RB1: variants seen among roughly 807,000 people sequenced by gnomAD.
RB1 encodes the protein RB transcriptional corepressor 1.
RB1 carries 18 observed loss-of-function variants against 135.4 expected under a neutral mutation model. The observed-to-expected ratio is 0.13, with a 90% CI of 0.09 to 0.20. The LOEUF is 0.20. Among genes scored for constraint, RB1 ranks in the 10% least tolerant of loss-of-function variants. RB1 has a pLI of 1.00. For missense variants in RB1, 868 were observed against 1,110.0 expected, an observed-to-expected ratio of 0.78 and a Z score of 3.10; for synonymous variants, 365 against 373.2, an observed-to-expected ratio of 0.98 and a Z score of 0.25.
intron 20 of RB1, among the ~76,000 whole-genome samples, chr13:48,462,346 A>T (rs1949411397): frequency 6.9e-6 from 1 of 144,986 alleles, no homozygotes; most frequent in Non-Finnish European, 1.5e-5. Context: ...GCTGGTCTTG[A>T]ATGGTTGAGC....
chr13:48,433,621 A>T (rs8002958), intron 17 of RB1, among the ~76,000 whole-genome samples: 1 of 152,098 alleles, frequency 6.6e-6, no homozygotes, highest in Non-Finnish European at 1.5e-5. Context: ...TGACAAAAGC[A>T]TAATTGTTTC....
At chr13:48,314,241 C>G (rs1952160053) in intron 2 of RB1, among the ~76,000 whole-genome samples, 1 of 152,028 alleles carries the variant, frequency 6.6e-6, no homozygotes, top group Non-Finnish European at 1.5e-5. Flanking sequence ...TAAAAAAAGG[C>G]AGCTGGGATT....
At chr13:48,417,730 G>A (rs981764898) in intron 17 of RB1, among the ~76,000 whole-genome samples, 1 of 152,056 alleles carries the variant, frequency 6.6e-6, no homozygotes, top group Non-Finnish European at 1.5e-5. Flanking sequence ...CAAGAACTTC[G>A]TGAAGCATAC....
intron 21 of RB1, 122 bp from the exon 22 acceptor site, chr13:48,464,876 A>G: frequency 9.1e-7 from 1 of 1,103,746 alleles, no homozygotes; most frequent in Non-Finnish European, 1.3e-6. Flanking sequence ...TGTGCTTCTT[A>G]CCAGTCAAAA....
At chr13:48,455,826 C>T (rs76013631) in intron 18 of RB1, among the ~76,000 whole-genome samples, 46 of 151,974 alleles carry the variant, frequency 3.0e-4, no homozygotes, top group Non-Finnish European at 4.9e-4. Context: ...CCATAGTTAT[C>T]GCTAAAAAAA....
intron 2 of RB1, among the ~76,000 whole-genome samples, chr13:48,310,110 A>G (rs1952119493): frequency 6.6e-6 from 1 of 152,178 alleles, no homozygotes; most frequent in African/African-American, 2.4e-5. Context: ...TTGTAAATCA[A>G]CAGACTTTTC....
intron 17 of RB1, chr13:48,411,598 T>C: frequency 6.2e-7 from 1 of 1,612,404 alleles, no homozygotes; most frequent in Non-Finnish European, 8.5e-7. Context: ...ATACAGAGAG[T>C]GATTGGGTAC....
rs138610380 is a variant in RB1, at chr13:48,338,733, C to G, written c.265-3866C>G. ...TCCGTTGCTAGCGAGGAGCTGCGTT[C>G]CTTTGGAGGGGGAGAGGCACTCTGA... is the stretch of plus-strand genomic sequence containing the variant. On this transcript the variant is annotated intron_variant, in intron 2 of 26. Coordinates refer to ENST00000267163, the MANE Select transcript of RB1 (RefSeq NM_000321.3). 1.5e-4 allele frequency among the ~76,000 whole-genome samples: 23 copies of G among 152,314 alleles called. 1 individual carries two copies. The highest frequency in any genetic ancestry group is 5.3e-4 in the African/African-American group (22 of 41,566).
At chr13:48,354,114 G>C (rs958465819) in intron 6 of RB1, among the ~76,000 whole-genome samples, 4 of 152,018 alleles carry the variant, frequency 2.6e-5, no homozygotes, top group Admixed American at 2.6e-4. Flanking sequence ...GATATAAAGG[G>C]AATCCAGATT....
At chr13:48,312,716 T>A (rs1051260978) in intron 2 of RB1, among the ~76,000 whole-genome samples, 1 of 152,194 alleles carries the variant, frequency 6.6e-6, no homozygotes, top group Non-Finnish European at 1.5e-5. Context: ...GTTTTTACTG[T>A]TTGCTTTGGT....
Position 48,465,554 on chromosome 13 carries a change from C to G in RB1, c.2489+186C>G, listed in dbSNP as rs528412825. 1.2e-4 allele frequency among the ~76,000 whole-genome samples: 18 copies of G among 152,236 alleles called. No homozygotes were observed. In the South Asian group the frequency reaches 3.5e-3, roughly 30 times the overall value. On this transcript the variant is annotated intron_variant, in intron 23 of 26. Coordinates refer to ENST00000267163, the MANE Select transcript of RB1 (RefSeq NM_000321.3). ...GAAAATCTATTTACGACTTAAGCAA[C>G]GCAAGATGGCCGAATAGGAACAGCT...
At chr13:48,313,043 C>T (rs1479866121) in intron 2 of RB1, among the ~76,000 whole-genome samples, 1 of 152,144 alleles carries the variant, frequency 6.6e-6, no homozygotes, top group Non-Finnish European at 1.5e-5. Flanking sequence ...CTTTAACCTT[C>T]CTTCCAGTCT....
chr13:48,426,767 T>C (rs1032898723), intron 17 of RB1: 1 of 149,240 alleles, frequency 6.7e-6, no homozygotes, highest in African/African-American at 2.6e-5. Flanking sequence ...TTTTTCTTAC[T>C]GATGTTGTGC....
At chr13:48,340,367 G>C (rs1952431464) in intron 2 of RB1, among the ~76,000 whole-genome samples, 1 of 152,034 alleles carries the variant, frequency 6.6e-6, no homozygotes, top group South Asian at 2.1e-4. Context: ...CTGAAATAAA[G>C]GTTACATTTT....
chr13:48,390,919 G>GT (rs1409316083), intron 17 of RB1, among the ~76,000 whole-genome samples: 1 of 152,170 alleles, frequency 6.6e-6, no homozygotes, highest in Non-Finnish European at 1.5e-5. Flanking sequence ...TTGCCTAACA[G>GT]TATCTGCCTT....
At chr13:48,405,729 A>G (rs938706402) in intron 17 of RB1, among the ~76,000 whole-genome samples, 1 of 152,244 alleles carries the variant, frequency 6.6e-6, no homozygotes, top group East Asian at 1.9e-4. Context: ...AACTATACAA[A>G]AAGGTATAAT....
At chr13:48,413,162 A>C (rs1948847482) in intron 17 of RB1, 1 of 167,206 alleles carries the variant, frequency 6.0e-6, no homozygotes, top group Non-Finnish European at 1.5e-5. Context: ...CATCACAGGA[A>C]GAAGAGGCTG....
chr13:48,464,990 T>G lies in RB1; in HGVS notation c.2212-8T>G, dbSNP rs1296127483. On this transcript the variant is annotated splice_region_variant and splice_polypyrimidine_tract_variant and intron_variant, in intron 21 of 26. Transcript: ENST00000267163. Reference sequence around the variant, plus strand: ...TTTTTTTTTTTTTTTTTTACTGTTCTTCCTCAGACATTCAAACGTGTTTTG... The same window carrying G: ...TTTTTTTTTTTTTTTTTTACTGTTCGTCCTCAGACATTCAAACGTGTTTTG... 1.4e-6 allele frequency: 2 copies of G among 1,413,286 alleles called. No homozygotes were observed. Among genetic ancestry groups the G allele is most frequent in the Non-Finnish European group, 2.0e-6 (2 of 1,020,552 alleles). 87.5% of individuals were successfully genotyped at this position (1,413,286 alleles called of 1,614,324 possible).
intron 2 of RB1, among the ~76,000 whole-genome samples, chr13:48,324,105 C>A (rs916803738): frequency 6.6e-6 from 1 of 151,806 alleles, no homozygotes; most frequent in African/African-American, 2.4e-5. Flanking sequence ...TTATGGGATA[C>A]ATGTGATGTT....
Sources: allele counts gnomAD v4.1 joint callset (sites outside exome capture counted in the v4.1 genomes callset), GRCh38; gene constraint gnomAD v4.1.1; transcripts MANE v1.5; gene names NCBI Gene and HGNC (gene_info 2026-07-23, HGNC 2026-07-21).